VWC2: variants seen among roughly 807,000 people sequenced by gnomAD.
VWC2 encodes brorin.
Under a neutral mutation model 29.8 loss-of-function variants are expected in VWC2, and 14 were observed. The observed-to-expected ratio is 0.47, with a 90% CI of 0.31 to 0.74. The LOEUF is 0.74. Among genes scored for constraint, VWC2 ranks in the 30% least tolerant of loss-of-function variants. The probability of loss-of-function intolerance (pLI) is 0.05; values close to 1 mark genes in which losing one functional copy is unlikely to be tolerated. For missense variants in VWC2, 457 were observed against 459.8 expected (o/e 0.99, Z 0.05); for synonymous variants, 213 against 199.0 (o/e 1.07, Z -0.59).
rs1788033086 is a variant in VWC2 at position 49,775,595 on chromosome 7, G to A, written c.160G>A (p.Asp54Asn). ...GQEKREHASR[D>N]GPGRVNELGR... The stretch of plus-strand genomic sequence containing the variant: ...GGAGAAGCGTGAGCACGCCTCTCGG[G>A]ACGGCCCGGGGCGGGTGAACGAGCT... The change falls in exon 2 of 4, where the codon GAC becomes AAC. Residue 54 changes from aspartate to asparagine, a missense_variant. By Grantham distance (23) the Asp-to-Asn change is conservative. Transcript: ENST00000340652. 1 of 1,536,304 alleles carries A rather than the reference G, an allele frequency of 6.5e-7. No homozygotes were observed. The highest frequency in any genetic ancestry group is 2.5e-5 in the East Asian group (1 of 39,844).
At chr7:49,845,288 C>T (rs984493079) in intron 3 of VWC2, among the ~76,000 whole-genome samples, 1 of 147,380 alleles carries the variant, frequency 6.8e-6, no homozygotes, top group Non-Finnish European at 1.5e-5. Flanking sequence ...ACTTAAAAGT[C>T]GAAGGAAAAA....
intron 3 of VWC2, among the ~76,000 whole-genome samples, chr7:49,875,536 T>C (rs1357777538): frequency 2.6e-5 from 4 of 152,076 alleles, no homozygotes; most frequent in Middle Eastern, 3.4e-3. Context: ...GGTGTGTGGC[T>C]GGAGTCCTTT....
chr7:49,774,558 C>A (rs1466618173), intron 1 of VWC2, among the ~76,000 whole-genome samples: 1 of 152,222 alleles, frequency 6.6e-6, no homozygotes, highest in Non-Finnish European at 1.5e-5. Context: ...GCACTGCACA[C>A]CTTGGTGCTG....
chr7:49,802,945 C>A, intron 3 of VWC2, 105 bp downstream of exon 3: 1 of 1,469,924 alleles, frequency 6.8e-7, no homozygotes, highest in Non-Finnish European at 9.3e-7. Flanking sequence ...TGAGTTTCAT[C>A]CTATGTATCA....
chr7:49,824,220 T>C (rs1789338268), intron 3 of VWC2, among the ~76,000 whole-genome samples: 1 of 152,232 alleles, frequency 6.6e-6, no homozygotes, highest in South Asian at 2.1e-4. Flanking sequence ...TCCAGAAGTT[T>C]GTAATTTTAG....
At chr7:49,885,288 G>A (rs775253963) in intron 3 of VWC2, among the ~76,000 whole-genome samples, 46 of 151,798 alleles carry the variant, frequency 3.0e-4, no homozygotes, top group Admixed American at 5.9e-4. Context: ...TAAAATGAGA[G>A]GTAATTTCTC....
chr7:49,838,579 A>G (rs1789719035), intron 3 of VWC2, among the ~76,000 whole-genome samples: 2 of 151,988 alleles, frequency 1.3e-5, no homozygotes, highest in South Asian at 2.1e-4. Context: ...TCTCTGGGAC[A>G]GGCTGCAGAG....
At chr7:49,853,794 C>T (rs757475921) in intron 3 of VWC2, among the ~76,000 whole-genome samples, 1 of 151,912 alleles carries the variant, frequency 6.6e-6, no homozygotes, top group African/African-American at 2.4e-5. Flanking sequence ...ATACGTGTGC[C>T]ATGTTGGTGT....
At chr7:49,774,769 G>C (rs866828547) in intron 1 of VWC2, among the ~76,000 whole-genome samples, 2 of 152,232 alleles carry the variant, frequency 1.3e-5, no homozygotes, top group Non-Finnish European at 2.9e-5. Context: ...CTGCTCCCGA[G>C]ACGGGAGTCT....
In VWC2 at chr7:49,917,913, T is replaced by C. The variant is rs974111907; in HGVS notation, c.*5728T>C. The C allele has an allele frequency of 6.6e-6, 1 of 152,172 alleles. No individual in the cohort carries two copies. The highest frequency in any genetic ancestry group is 6.6e-5 in the Admixed American group (1 of 15,266). 9.4% of individuals were successfully genotyped at this position (152,172 alleles called of 1,614,324 possible). A position where few individuals can be genotyped will look rare whatever the true frequency, so the allele number is the denominator to read the frequency against. ...TCAAATAAATACAATTCTATTTTCA[T>C]TTCTATTAGTTTTCAGGGTTTATTC... is the stretch of plus-strand genomic sequence containing the variant. On this transcript the variant is annotated 3_prime_UTR_variant, in exon 4 of 4. Coordinates refer to ENST00000340652, the MANE Select transcript of VWC2 (RefSeq NM_198570.5).
intron 3 of VWC2, among the ~76,000 whole-genome samples, chr7:49,858,086 T>C (rs910195597): frequency 6.6e-6 from 1 of 152,206 alleles, no homozygotes; most frequent in Non-Finnish European, 1.5e-5. Context: ...ACTTCCACAA[T>C]GGTTGAACTA....
In VWC2 at chr7:49,920,935, G is replaced by T. The variant is rs892022492; in HGVS notation, c.*8750G>T. The T allele has an allele frequency of 3.3e-5, 5 of 152,260 alleles. No homozygotes were observed. The highest frequency in any genetic ancestry group is 1.2e-4 in the African/African-American group (5 of 41,540). 9.4% of individuals were successfully genotyped at this position (152,260 alleles called of 1,614,324 possible). A position where few individuals can be genotyped will look rare whatever the true frequency, so the allele number is the denominator to read the frequency against. The stretch of plus-strand genomic sequence containing the variant: ...AAAATGTTGTACTTATTACATTTAT[G>T]AATTTCTGACAGTTTCTATAGACTG... On this transcript the variant is annotated 3_prime_UTR_variant, in exon 4 of 4. Transcript: ENST00000340652.
chr7:49,804,917 A>G (rs1024761829), intron 3 of VWC2, among the ~76,000 whole-genome samples: 1 of 152,184 alleles, frequency 6.6e-6, no homozygotes, highest in Non-Finnish European at 1.5e-5. Context: ...CCTACTGAAT[A>G]GTGTTCAAGA....
intron 2 of VWC2, among the ~76,000 whole-genome samples, chr7:49,785,150 T>C (rs1174308924): frequency 6.6e-6 from 1 of 152,174 alleles, no homozygotes; most frequent in East Asian, 1.9e-4. Flanking sequence ...CCCATGGAAT[T>C]AATATTCAAT....
chr7:49,834,623 C>T (rs148278822), intron 3 of VWC2, among the ~76,000 whole-genome samples: 27 of 152,162 alleles, frequency 1.8e-4, no homozygotes, highest in Middle Eastern at 3.4e-3. Context: ...CACGAAATGC[C>T]GAGTAAATGC....
At chr7:49,862,538 T>G (rs886472218) in intron 3 of VWC2, among the ~76,000 whole-genome samples, 2 of 152,198 alleles carry the variant, frequency 1.3e-5, no homozygotes, top group Admixed American at 6.5e-5. Context: ...CCTTGTCTTG[T>G]TCCTATTTTA....
chr7:49,832,457 G>GGA (rs1789556445), intron 3 of VWC2, among the ~76,000 whole-genome samples: 1 of 152,048 alleles, frequency 6.6e-6, no homozygotes, highest in Non-Finnish European at 1.5e-5. Context: ...GCTGATCAGA[G>GGA]GAGGTTGGCT....
At chr7:49,846,530 T>TGAC (rs1252007797) in intron 3 of VWC2, among the ~76,000 whole-genome samples, 3 of 152,236 alleles carry the variant, frequency 2.0e-5, no homozygotes, top group Non-Finnish European at 4.4e-5. Flanking sequence ...GGCCATGGCC[T>TGAC]GACAGTGATG....
intron 3 of VWC2, among the ~76,000 whole-genome samples, chr7:49,811,676 C>T (rs1464402506): frequency 6.6e-6 from 1 of 152,132 alleles, no homozygotes; most frequent in Non-Finnish European, 1.5e-5. Context: ...CAGATGTTGG[C>T]AAAGATGTGG....
Sources: allele counts gnomAD v4.1 joint callset (sites outside exome capture counted in the v4.1 genomes callset), GRCh38; gene constraint gnomAD v4.1.1; transcripts MANE v1.5; gene names NCBI Gene and HGNC (gene_info 2026-07-23, HGNC 2026-07-21).